The following S100A2 variants were observed in gnomAD, a reference collection of about 807,000 sequenced individuals.
The protein encoded by S100A2 is S100 calcium binding protein A2.
In S100A2, 5 loss-of-function variants were observed where a neutral mutation model predicts 4.3. The ratio of observed to expected loss-of-function variants is 1.16; its 90% CI spans 0.61 to 2.44. The LOEUF (loss-of-function observed/expected upper bound fraction) is 2.44. S100A2 is among the 30% of genes most tolerant of loss of function. The pLI is 0.01. For synonymous variants in S100A2, 44 were observed against 46.0 expected (o/e 0.96, Z 0.17); for missense variants, 103 against 114.7 (o/e 0.90, Z 0.47).
chr1:153,561,953 T>C (rs1665904259), intron 2 of S100A2, among the ~76,000 whole-genome samples: 2 of 152,222 alleles, frequency 1.3e-5, no homozygotes, highest in Non-Finnish European at 1.5e-5. Context: ...GCCAGGTAGA[T>C]TCAGAAAAGA....
chr1:153,562,638 A>T (rs1220418063), intron 2 of S100A2, among the ~76,000 whole-genome samples: 1 of 152,226 alleles, frequency 6.6e-6, no homozygotes, highest in Non-Finnish European at 1.5e-5. Flanking sequence ...AAAATGTCCC[A>T]GACTATATAT....
chr1:153,563,659 C>G (rs1054012559), intron 2 of S100A2, 75 bp downstream of exon 2: 1 of 1,586,952 alleles, frequency 6.3e-7, no homozygotes, highest in Non-Finnish European at 8.6e-7. Context: ...GACAGGCACC[C>G]GGAACTGGGG....
Position 153,561,354 on chromosome 1 carries a change from A to G in S100A2, c.*85T>C, listed in dbSNP as rs749657910. The G allele has an allele frequency of 1.2e-5, 18 of 1,484,900 alleles. No homozygotes were observed. The highest frequency in any genetic ancestry group is 1.6e-5 in the Non-Finnish European group (18 of 1,093,830). The allele number at this position is 1,484,900 out of a possible 1,614,324, so 92.0% of individuals were successfully genotyped here. On this transcript the variant is annotated 3_prime_UTR_variant, in exon 3 of 3. Transcript: ENST00000368708. ...AGCAATTAAAATATTATCAACAGAC[A>G]AAAAAAGTTTATTGAATACAAAACT... is the stretch of plus-strand genomic sequence containing the variant.
chr1:153,563,791 C>T lies in S100A2; in HGVS notation c.87G>A (p.Lys29=), dbSNP rs1490782683. The T allele has an allele frequency of 1.9e-6, 3 of 1,614,126 alleles. No homozygotes were observed. The highest frequency in any genetic ancestry group is 2.2e-5 in the South Asian group (2 of 91,092). ...GTTCCTTCATTTCCCCCTTACTCAG[C>T]TTGAACTTGTCGCCCTCTTGGCAGG... is the stretch of plus-strand genomic sequence containing the variant. ...KYSCQEGDKF[K]LSKGEMKELL... Residue 29 remains lysine (K), a synonymous_variant, in exon 2 of 3, where the codon AAG becomes AAA. Coordinates refer to ENST00000368708, the MANE Select transcript of S100A2 (RefSeq NM_005978.4).
chr1:153,562,785 G>A (rs1349875407), intron 2 of S100A2, among the ~76,000 whole-genome samples: 1 of 152,076 alleles, frequency 6.6e-6, no homozygotes, highest in Admixed American at 6.5e-5. Context: ...GAACCCAGGA[G>A]TTCAAGCCCA....
Position 153,561,445 on chromosome 1 carries a change from T to C in S100A2, c.291A>G (p.Arg97=), listed in dbSNP as rs752904554. 6 of 1,611,840 alleles carry C rather than the reference T, an allele frequency of 3.7e-6. No homozygotes were observed. Among genetic ancestry groups the C allele is most frequent in the Non-Finnish European group, 4.2e-6 (5 of 1,178,270 alleles). The part of the protein sequence containing the change: ...CNDFFQGCPD[R]P ...GGAAGTCAAGAGTTCTGCTTCAGGG[T>C]CGGTCTGGGCAGCCCTGGAAGAAGT... The change falls in exon 3 of 3, where the codon CGA becomes CGG. Residue 97 remains arginine (R), a synonymous_variant. Transcript: ENST00000368708.
intron 1 of S100A2, 75 bp downstream of exon 1, chr1:153,565,431 G>A (rs1665987124): frequency 6.6e-6 from 1 of 152,634 alleles, no homozygotes; most frequent in South Asian, 2.1e-4. Flanking sequence ...GCTGGAATGA[G>A]AGAACTGTGG....
intron 1 of S100A2, among the ~76,000 whole-genome samples, chr1:153,564,877 A>C (rs1004830770): frequency 4.6e-5 from 7 of 150,772 alleles, no homozygotes; most frequent in East Asian, 1.9e-4. Context: ...AAATCTCAGG[A>C]TTCTTTTTGC....
At position 153,565,539 on chromosome 1, in the gene S100A2, G is replaced by A. The variant is rs886148382; in HGVS notation, c.-44C>T. The stretch of plus-strand genomic sequence containing the variant: ...GTGGCAGAGACAGACCCAGGAAGGA[G>A]AGCAAGGCAGCCAGGCTCCCAGGGT... On this transcript the variant is annotated 5_prime_UTR_variant, in exon 1 of 3. Coordinates refer to ENST00000368708, the MANE Select transcript of S100A2 (RefSeq NM_005978.4). The A allele has an allele frequency of 6.5e-6, 1 of 152,874 alleles. No individual in the cohort carries two copies. Among genetic ancestry groups the A allele is most frequent in the African/African-American group, 2.4e-5 (1 of 41,452 alleles). The allele number at this position is 152,874 out of a possible 1,614,324, so 9.5% of individuals were successfully genotyped here.
intron 1 of S100A2, 108 bp from the exon 2 acceptor site, chr1:153,563,995 T>C (rs1328580366): frequency 8.7e-7 from 1 of 1,148,218 alleles, no homozygotes; most frequent in Non-Finnish European, 1.2e-6. Context: ...ACAAAACCCC[T>C]CTCTGAATGG....
At position 153,561,251 on chromosome 1, in the gene S100A2, C is replaced by G; in HGVS notation, c.*188G>C. The G allele has an allele frequency of 1.6e-6, 1 of 616,708 alleles. No individual in the cohort carries two copies. Among genetic ancestry groups the G allele is most frequent in the Non-Finnish European group, 2.7e-6 (1 of 366,462 alleles). 38.2% of individuals were successfully genotyped at this position (616,708 alleles called of 1,614,324 possible). A position where few individuals can be genotyped will look rare whatever the true frequency, so the allele number is the denominator to read the frequency against. On this transcript the variant is annotated 3_prime_UTR_variant, in exon 3 of 3. Coordinates refer to ENST00000368708, the MANE Select transcript of S100A2 (RefSeq NM_005978.4). The stretch of plus-strand genomic sequence containing the variant: ...GGAGAGATTTCCAGGAGAGTCAGAG[C>G]CCAGAAGGGAGCAGGATCCAGGAGG...
intron 2 of S100A2, 115 bp from the exon 3 acceptor site, chr1:153,561,706 G>T: frequency 6.7e-7 from 1 of 1,483,666 alleles, no homozygotes; most frequent in Non-Finnish European, 9.4e-7. Flanking sequence ...CCACTGGGCA[G>T]CTGGGTATAA....
intron 2 of S100A2, among the ~76,000 whole-genome samples, chr1:153,562,567 T>G (rs1665916684): frequency 6.6e-6 from 1 of 152,202 alleles, no homozygotes; most frequent in Non-Finnish European, 1.5e-5. Flanking sequence ...ACTTTGGGAA[T>G]CACCAATGAG....
chr1:153,564,549 A>G (rs569456532), intron 1 of S100A2, among the ~76,000 whole-genome samples: 4 of 152,302 alleles, frequency 2.6e-5, no homozygotes, highest in Admixed American at 2.6e-4. Flanking sequence ...CATTCTCTCC[A>G]CCAGGAAGGA....
rs1665955590 is a variant in S100A2 at position 153,564,005 on chromosome 1, G to A, written c.-10-118C>T. The A allele has an allele frequency of 2.9e-6, 3 of 1,022,036 alleles. No individual in the cohort carries two copies. The Admixed American group carries it at 8.6e-5, about 29-fold the overall frequency. 63.3% of individuals were successfully genotyped at this position (1,022,036 alleles called of 1,614,324 possible). A position where few individuals can be genotyped will look rare whatever the true frequency, so the allele number is the denominator to read the frequency against. On this transcript the variant is annotated intron_variant, in intron 1 of 2. Coordinates refer to ENST00000368708, the MANE Select transcript of S100A2 (RefSeq NM_005978.4). ...ACCTCACAAAACCCCTCTCTGAATG[G>A]GAAGGCAGGGGCTGCATCTCCCCCT...
chr1:153,561,419 A>G lies in S100A2; in HGVS notation c.*20T>C. 6.2e-7 allele frequency: 1 copy of G among 1,605,692 alleles called. No homozygotes were observed. The highest frequency in any genetic ancestry group is 8.5e-7 in the Non-Finnish European group (1 of 1,173,372). On this transcript the variant is annotated 3_prime_UTR_variant, in exon 3 of 3. Transcript: ENST00000368708. The stretch of plus-strand genomic sequence containing the variant: ...GTCCTGGGCCCAAGAGATCCATGGC[A>G]GGAAGTCAAGAGTTCTGCTTCAGGG...
chr1:153,563,396 A>G, intron 2 of S100A2: 8 of 1,485,656 alleles, frequency 5.4e-6, no homozygotes, highest in Non-Finnish European at 7.2e-6. Context: ...AGAAAAGAAA[A>G]GAGAGAGAGA....
Position 153,564,869 on chromosome 1 carries a change from A to AAAAAAAAAAAAAAC in S100A2, c.-11+636_-11+637insGTTTTTTTTTTTTT, listed in dbSNP as rs1557899890. ...CAGGACTTTGCAAAAAAAAAAAAAA[A>AAAAAAAAAAAAAAC]TCTCAGGATTCTTTTTGCAGCAACG... On this transcript the variant is annotated intron_variant, in intron 1 of 2. Transcript: ENST00000368708. Among the ~76,000 whole-genome samples the AAAAAAAAAAAAAAC allele has an allele frequency of 4.3e-4, 64 of 149,582 alleles. 2 individuals are homozygous for AAAAAAAAAAAAAAC. The highest frequency in any genetic ancestry group is 6.4e-4 in the South Asian group (3 of 4,686).
intron 1 of S100A2, 68 bp from the exon 2 acceptor site, chr1:153,563,955 C>G (rs1426523235): frequency 6.6e-6 from 10 of 1,506,892 alleles, no homozygotes; most frequent in Non-Finnish European, 8.9e-6. Flanking sequence ...CTGTAGGATC[C>G]ACTTCTGCCC....
Sources: gnomAD v4.1 joint callset for allele counts (sites outside exome capture counted in the v4.1 genomes callset) on GRCh38, gnomAD v4.1.1 for gene constraint, MANE v1.5 for transcripts, NCBI Gene and HGNC (gene_info 2026-07-23, HGNC 2026-07-21) for gene names.